Variants in PALM3 observed in about 807,000 individuals in gnomAD.
PALM3 encodes the protein paralemmin-3.
PALM3 carries 20 observed loss-of-function variants against 27.9 expected under a neutral mutation model. The observed-to-expected ratio is 0.72, with a 90% CI of 0.50 to 1.04. The LOEUF (loss-of-function observed/expected upper bound fraction) is 1.04, where lower values mean the gene tolerates loss of function less well. PALM3 is among the 50% of genes least tolerant of loss of function. PALM3 has a pLI of 0.00. For synonymous variants in PALM3, 328 were observed against 352.7 expected (o/e 0.93, Z 0.79); for missense variants, 814 against 869.4 (o/e 0.94, Z 0.80).
chr19:14,060,893 T>G (rs576915029), intron 1 of PALM3, among the ~76,000 whole-genome samples: 37 of 152,302 alleles, frequency 2.4e-4, no homozygotes, highest in African/African-American at 8.4e-4. Flanking sequence ...CCTGAGTAGC[T>G]GAGATTACAG....
Position 14,056,738 on chromosome 19 carries a change from G to C in PALM3, c.238C>G (p.Pro80Ala). The change falls in exon 4 of 7, where the codon CCC (proline) becomes GCC (alanine). Residue 80 changes from proline (P) to alanine (A), a missense_variant. Transcript: ENST00000669674. Reference sequence around the variant, plus strand: ...GGTGACTGGGGGTCCTTCGAGGTGGGGTCTTCGGATGGCTCTGGCACTGCA... The same window carrying C: ...GGTGACTGGGGGTCCTTCGAGGTGGCGTCTTCGGATGGCTCTGGCACTGCA... ...AAAVPEPSED[P>A]TSKDPQSPEG... 1.3e-6 allele frequency: 2 copies of C among 1,551,688 alleles called. No homozygotes were observed. Among genetic ancestry groups the C allele is most frequent in the African/African-American group, 2.7e-5 (2 of 73,162 alleles).
rs545545520 is a variant in PALM3 at position 14,055,163 on chromosome 19, G to T, written c.509C>A (p.Ser170Tyr). Reference sequence around the variant, plus strand: ...GACATCCTCCCTGGGCTCAGAGGGGGACTCTGGAGGCGTGCCCACTAGTCC... The same window carrying T: ...GACATCCTCCCTGGGCTCAGAGGGGTACTCTGGAGGCGTGCCCACTAGTCC... ...PAGLVGTPPE[S>Y]PSEPREDVLG... is the part of the protein sequence containing the mutation. Residue 170 changes from serine (S) to tyrosine (Y), a missense_variant, in exon 7 of 7, where the codon TCC becomes TAC. Physicochemically the swap from Ser to Tyr is moderately radical, Grantham distance 144. Transcript: ENST00000669674. 7 of 1,548,574 alleles carry T rather than the reference G, an allele frequency of 4.5e-6. No individual in the cohort carries two copies. Among genetic ancestry groups the T allele is most frequent in the Middle Eastern group, 3.3e-4 (2 of 5,984 alleles).
chr19:14,061,909 C>T (rs1568510215), intron 1 of PALM3, 31 bp downstream of exon 1: 2 of 984,158 alleles, frequency 2.0e-6, no homozygotes, highest in African/African-American at 3.5e-5. Context: ...AGGCCCTGCC[C>T]ACCAGCCCCC....
chr19:14,057,394 C>A lies in PALM3; in HGVS notation c.128G>T (p.Arg43Leu), dbSNP rs1245194870. The A allele has an allele frequency of 1.9e-6, 3 of 1,544,226 alleles. No homozygotes were observed. The African/African-American group carries it at 4.1e-5, about 21-fold the overall frequency. ...GAGTTTCTCCTCCTCCACCTCCCGG[C>A]GCGCGGCGCGGATCTCCTCCTGCAG... ...RRLQEEIRAA[R>L]REVEEEKLRV... The change falls in exon 3 of 7, where the codon CGC (arginine) becomes CTC (leucine). Residue 43 changes from arginine (R) to leucine (L), a missense_variant. Transcript: ENST00000669674.
intron 6 of PALM3, 74 bp from the exon 7 acceptor site, chr19:14,055,300 C>T: frequency 7.2e-7 from 1 of 1,398,126 alleles, no homozygotes; most frequent in Non-Finnish European, 9.3e-7. Flanking sequence ...GGACTGCCAT[C>T]CACACTCCCC....
chr19:14,056,298 C>T (rs551165632), intron 5 of PALM3, 131 bp downstream of exon 5: 8 of 897,446 alleles, frequency 8.9e-6, no homozygotes, highest in Admixed American at 2.2e-5. Flanking sequence ...AAAGTAAAAG[C>T]GGGAAGCGGA....
At position 14,061,202 on chromosome 19, in the gene PALM3, G is replaced by C. The variant is rs530708861; in HGVS notation, c.41+738C>G. 2.6e-5 allele frequency among the ~76,000 whole-genome samples: 4 copies of C among 152,314 alleles called. No homozygotes were observed. The South Asian group carries it at 8.3e-4, about 32-fold the overall frequency. The stretch of plus-strand genomic sequence containing the variant: ...TCCCTGCCTCTTCCTTGCTGGGGGG[G>C]ATCGGGTTCCCATTGCTAAGCAACC... On this transcript the variant is annotated intron_variant, in intron 1 of 6. Transcript: ENST00000669674.
chr19:14,054,917 C>A lies in PALM3; in HGVS notation c.755G>T (p.Gly252Val). The change falls in exon 7 of 7, where the codon GGC becomes GTC. Residue 252 changes from glycine (G) to valine (V), a missense_variant. Coordinates refer to ENST00000669674, the MANE Select transcript of PALM3 (RefSeq NM_001145028.2). ...ATEDCATGAT[G>V]PELEAKVEEV... Reference sequence around the variant, plus strand: ...CTCCACCTTAGCCTCCAGCTCGGGGCCCGTGGCCCCTGTGGCACAGTCCTC... The same window carrying A: ...CTCCACCTTAGCCTCCAGCTCGGGGACCGTGGCCCCTGTGGCACAGTCCTC... 1.1e-5 allele frequency: 17 copies of A among 1,549,256 alleles called. No individual in the cohort carries two copies. Among genetic ancestry groups the A allele is most frequent in the Non-Finnish European group, 1.5e-5 (17 of 1,146,966 alleles).
chr19:14,057,381 C>T lies in PALM3; in HGVS notation c.141G>A (p.Glu47=). ...EEIRAARREV[E]EEKLRVERLK... ...GACGCTCCACGCGGAGTTTCTCCTC[C>T]TCCACCTCCCGGCGCGCGGCGCGGA... Residue 47 remains glutamate, a synonymous_variant, in exon 3 of 7, where the codon GAG becomes GAA. Transcript: ENST00000669674. 6.5e-7 allele frequency: 1 copy of T among 1,545,532 alleles called. No homozygotes were observed. The highest frequency in any genetic ancestry group is 1.4e-5 in the African/African-American group (1 of 72,938).
At position 14,061,927 on chromosome 19, in the gene PALM3, C is replaced by G; in HGVS notation, c.41+13G>C. 1 of 985,248 alleles carries G rather than the reference C, an allele frequency of 1.0e-6. No individual in the cohort carries two copies. Among genetic ancestry groups the G allele is most frequent in the African/African-American group, 1.7e-5 (1 of 57,352 alleles). The allele number at this position is 985,248 out of a possible 1,614,324, so 61.0% of individuals were successfully genotyped here. A position where few individuals can be genotyped will look rare whatever the true frequency, so the allele number is the denominator to read the frequency against. On this transcript the variant is annotated intron_variant, in intron 1 of 6. Coordinates refer to ENST00000669674, the MANE Select transcript of PALM3 (RefSeq NM_001145028.2). ...CCCTGCCCACCAGCCCCCCTGACCC[C>G]CCAGACACTTACATGGGTGTGGCCA...
rs1225957675 is a variant in PALM3 at position 14,061,894 on chromosome 19, TCCCAAGGCCCTG to T, written c.41+34_41+45del. 5 of 959,010 alleles carry T rather than the reference TCCCAAGGCCCTG, an allele frequency of 5.2e-6. No individual in the cohort carries two copies. In the African/African-American group the frequency reaches 8.8e-5, roughly 17 times the overall value. The allele number at this position is 959,010 out of a possible 1,614,324, so 59.4% of individuals were successfully genotyped here. A position where few individuals can be genotyped will look rare whatever the true frequency, so the allele number is the denominator to read the frequency against. On this transcript the variant is annotated intron_variant, in intron 1 of 6. Coordinates refer to ENST00000669674, the MANE Select transcript of PALM3 (RefSeq NM_001145028.2). ...AAGGCCAGCATCCCCCATGAGCCCC[TCCCAAGGCCCTG>T]CCCACCAGCCCCCCTGACCCCCCAG...
intron 1 of PALM3, 24 bp from the exon 2 acceptor site, chr19:14,059,187 C>T (rs1976373978): frequency 4.2e-6 from 6 of 1,440,812 alleles, no homozygotes; most frequent in Non-Finnish European, 4.5e-6. Context: ...GCAGGGGCTT[C>T]GAGGGGCTCC....
intron 2 of PALM3, 152 bp from the exon 3 acceptor site, chr19:14,057,583 C>T: frequency 2.3e-6 from 1 of 428,872 alleles, no homozygotes. Context: ...CAGCGCGGGT[C>T]TGCACCCAGG....
rs373878156 is a variant in PALM3 at position 14,054,051 on chromosome 19, A to G, written c.1621T>C (p.Leu541=). ...EAEKRGGEES[L]ETEKTQGTEG... ...GTCCCTTGGGTCTTCTCTGTCTCCA[A>G]TGATTCCTCACCTCCCCTTTTCTCT... The change falls in exon 7 of 7, where the codon TTG becomes CTG. Residue 541 remains leucine (L), a synonymous_variant. Transcript: ENST00000669674. 457 of 1,551,336 alleles carry G rather than the reference A, an allele frequency of 2.9e-4. 2 individuals carry two copies. Among genetic ancestry groups the G allele is most frequent in the African/African-American group, 1.6e-3 (114 of 72,934 alleles).
rs1321566235 is a variant in PALM3 at position 14,056,694 on chromosome 19, G to A, written c.282C>T (p.Ala94=). The part of the protein sequence containing the change: ...DPQSPEGQAQ[A]RIRNLEDSLF... ...AACTGTCTTCCAGGTTCCGGATTCG[G>A]GCCTGAGCCTGGCCCTCGGGTGACT... Residue 94 remains alanine (A), a synonymous_variant, in exon 4 of 7, where the codon GCC becomes GCT. Coordinates refer to ENST00000669674, the MANE Select transcript of PALM3 (RefSeq NM_001145028.2). 2 of 1,551,756 alleles carry A rather than the reference G, an allele frequency of 1.3e-6. No homozygotes were observed. The highest frequency in any genetic ancestry group is 1.7e-6 in the Non-Finnish European group (2 of 1,146,990).
intron 1 of PALM3, 50 bp downstream of exon 1, chr19:14,061,890 C>A (rs1349241277): frequency 1.0e-6 from 1 of 966,516 alleles, no homozygotes; most frequent in African/African-American, 1.8e-5. Context: ...CCCCCATGAG[C>A]CCCTCCCAAG....
intron 2 of PALM3, among the ~76,000 whole-genome samples, chr19:14,058,450 C>T (rs976052661): frequency 1.5e-5 from 2 of 137,252 alleles, no homozygotes; most frequent in African/African-American, 5.6e-5. Context: ...CATGGGGGTC[C>T]GGAGAGATGG....
Position 14,054,625 on chromosome 19 carries a change from A to C in PALM3, c.1047T>G (p.Ser349=). The part of the protein sequence containing the change: ...GSPEGDGQGG[S]GGEEGSFIWV... ...AAATGAAGGATCCCTCCTCTCCTCC[A>C]GAGCCTCCCTGCCCATCACCCTCAG... The change falls in exon 7 of 7, where the codon TCT becomes TCG. Residue 349 remains serine, a synonymous_variant. Coordinates refer to ENST00000669674, the MANE Select transcript of PALM3 (RefSeq NM_001145028.2). 6.4e-7 allele frequency: 1 copy of C among 1,551,568 alleles called. No individual in the cohort carries two copies. Among genetic ancestry groups the C allele is most frequent in the Non-Finnish European group, 8.7e-7 (1 of 1,146,884 alleles).
rs1599307709 is a variant in PALM3 at position 14,054,827 on chromosome 19, A to C, written c.845T>G (p.Val282Gly). 1 of 1,538,820 alleles carries C rather than the reference A, an allele frequency of 6.5e-7. No individual in the cohort carries two copies. Among genetic ancestry groups the C allele is most frequent in the Non-Finnish European group, 8.8e-7 (1 of 1,142,192 alleles). ...CTCCACGATGCCCCTGTCCTCCTTCACCCAGGCCGGGAGCTCCAGGCTACC... is the reference window on the plus strand; with the variant it reads ...CTCCACGATGCCCCTGTCCTCCTTCCCCCAGGCCGGGAGCTCCAGGCTACC... ...GAGSLELPAW[V>G]KEDRGIVEVV... The change falls in exon 7 of 7, where the codon GTG (valine) becomes GGG (glycine). Residue 282 changes from valine (V) to glycine (G), a missense_variant. Transcript: ENST00000669674.
Sources: gnomAD v4.1 joint callset for allele counts (sites outside exome capture counted in the v4.1 genomes callset) on GRCh38, gnomAD v4.1.1 for gene constraint, MANE v1.5 for transcripts, NCBI Gene and HGNC (gene_info 2026-07-23, HGNC 2026-07-21) for gene names.